Variants in PAK1 observed in about 807,000 individuals in gnomAD.
PAK1 encodes p21 (RAC1) activated kinase 1.
Under a neutral mutation model 67.4 loss-of-function variants are expected in PAK1, and 29 were observed. The ratio of observed to expected loss-of-function variants is 0.43; its 90% confidence interval spans 0.32 to 0.59. PAK1 has a LOEUF of 0.59. Among genes scored for constraint, PAK1 ranks in the 20% least tolerant of loss-of-function variants. PAK1 has a pLI of 0.07. For synonymous variants in PAK1, 223 were observed against 237.4 expected, an observed-to-expected ratio of 0.94 and a Z score of 0.56; for missense variants, 337 against 670.7, an observed-to-expected ratio of 0.50 and a Z score of 5.50.
intron 5 of PAK1, among the ~76,000 whole-genome samples, chr11:77,359,389 G>A (rs902083851): frequency 6.6e-6 from 1 of 152,176 alleles, no homozygotes; most frequent in South Asian, 2.1e-4. Context: ...AGTATGAAAT[G>A]TAGGGAAGAG....
the PAK1 span, among the ~76,000 whole-genome samples, chr11:77,526,115 C>T: frequency 3.9e-5 from 6 of 152,180 alleles, no homozygotes; most frequent in Admixed American, 3.9e-4. Flanking sequence ...AAACAGCAGG[C>T]AGCCTATTAT....
At chr11:77,499,748 T>C in the PAK1 span, among the ~76,000 whole-genome samples, 1 of 152,208 alleles carries the variant, frequency 6.6e-6, no homozygotes, top group Non-Finnish European at 1.5e-5. Flanking sequence ...ATGTGGGCCC[T>C]GGATCCATAT....
At chr11:77,468,033 A>G (rs1957677761) in intron 1 of PAK1, among the ~76,000 whole-genome samples, 1 of 152,220 alleles carries the variant, frequency 6.6e-6, no homozygotes, top group South Asian at 2.1e-4. Context: ...ATATACTGTC[A>G]TTGTCATTTG....
At chr11:77,391,906 C>G (rs1252276234) in intron 2 of PAK1, among the ~76,000 whole-genome samples, 3 of 152,158 alleles carry the variant, frequency 2.0e-5, no homozygotes. Flanking sequence ...GTCCCCAAAC[C>G]TGAAAGTGGG....
intron 4 of PAK1, among the ~76,000 whole-genome samples, chr11:77,377,974 T>C (rs1565636291): frequency 2.6e-5 from 4 of 152,186 alleles, no homozygotes; most frequent in Admixed American, 2.6e-4. Context: ...GGCCCTCTCC[T>C]GGGCACCACC....
At chr11:77,490,331 G>T in the PAK1 span, among the ~76,000 whole-genome samples, 2 of 143,508 alleles carry the variant, frequency 1.4e-5, no homozygotes. Context: ...GAGGGAGGTG[G>T]GGGGGTCAGC....
the PAK1 span, among the ~76,000 whole-genome samples, chr11:77,518,091 A>G: frequency 6.6e-5 from 10 of 152,188 alleles, no homozygotes; most frequent in African/African-American, 2.4e-4. Flanking sequence ...TAATCTTTCT[A>G]AGTAATTATT....
At chr11:77,507,426 A>G in the PAK1 span, among the ~76,000 whole-genome samples, 1 of 152,366 alleles carries the variant, frequency 6.6e-6, no homozygotes, top group South Asian at 2.1e-4. Context: ...ATTAAGAGCA[A>G]CATGCATGTT....
At chr11:77,448,960 G>T (rs563553065) in intron 1 of PAK1, among the ~76,000 whole-genome samples, 1 of 152,344 alleles carries the variant, frequency 6.6e-6, no homozygotes, top group South Asian at 2.1e-4. Flanking sequence ...ATTTAAGAAG[G>T]TGGATAGAAA....
chr11:77,435,734 T>C (rs2138379203), intron 1 of PAK1, among the ~76,000 whole-genome samples: 1 of 145,060 alleles, frequency 6.9e-6, no homozygotes. Flanking sequence ...GGTCTCAATC[T>C]CCTGACCTCG....
At chr11:77,368,481 CA>C (rs1022468034) in intron 5 of PAK1, among the ~76,000 whole-genome samples, 6 of 151,970 alleles carry the variant, frequency 3.9e-5, no homozygotes, top group Admixed American at 2.0e-4. Context: ...GGATATGCTC[CA>C]CCAAATTCAA....
chr11:77,369,436 A>G (rs1216885893), intron 5 of PAK1, among the ~76,000 whole-genome samples: 1 of 131,718 alleles, frequency 7.6e-6, no homozygotes, highest in East Asian at 2.3e-4. Flanking sequence ...TTTAAACCTT[A>G]TACATTTCTT....
chr11:77,511,588 A>G, the PAK1 span, among the ~76,000 whole-genome samples: 1 of 152,180 alleles, frequency 6.6e-6, no homozygotes, highest in South Asian at 2.1e-4. Context: ...ACCAGAGTGT[A>G]AGCCAGGTGC....
intron 1 of PAK1, among the ~76,000 whole-genome samples, chr11:77,435,510 T>C (rs546920269): frequency 4.0e-4 from 60 of 148,496 alleles, no homozygotes; most frequent in East Asian, 2.0e-3. Flanking sequence ...TTTTTTTTTT[T>C]TGAGACGGAG....
At chr11:77,343,783 G>A in intron 10 of PAK1, 36 bp downstream of exon 10, 1 of 1,235,012 alleles carries the variant, frequency 8.1e-7, no homozygotes. Context: ...CAGTCCCAAA[G>A]GCCCTTTCCC....
intron 14 of PAK1, among the ~76,000 whole-genome samples, chr11:77,331,761 T>G (rs977870226): frequency 2.7e-4 from 25 of 92,640 alleles, no homozygotes; most frequent in Non-Finnish European, 5.0e-4. Context: ...GTTGTGCACA[T>G]GTACCCTAAA....
At chr11:77,407,760 G>A (rs886285036) in intron 1 of PAK1, among the ~76,000 whole-genome samples, 4 of 152,178 alleles carry the variant, frequency 2.6e-5, no homozygotes, top group Admixed American at 6.5e-5. Context: ...AGGAAAGGAA[G>A]GAAGAGATCA....
chr11:77,359,618 C>T (rs188134184), intron 5 of PAK1, among the ~76,000 whole-genome samples: 19 of 152,250 alleles, frequency 1.2e-4, no homozygotes, highest in African/African-American at 4.6e-4. Context: ...AATTTCTCCC[C>T]AGACTGGATA....
chr11:77,359,107 T>C, intron 5 of PAK1, 90 bp from the exon 6 acceptor site: 2 of 1,175,272 alleles, frequency 1.7e-6, no homozygotes, highest in Non-Finnish European at 1.2e-6. Context: ...AGAAACCCCA[T>C]CCTGATATCC....
Sources: gnomAD v4.1 joint callset for allele counts (sites outside exome capture counted in the v4.1 genomes callset) on GRCh38, gnomAD v4.1.1 for gene constraint, MANE v1.5 for transcripts, NCBI Gene and HGNC (gene_info 2026-07-23, HGNC 2026-07-21) for gene names.